PHKA1: variants seen among roughly 807,000 people sequenced by gnomAD.
PHKA1 encodes the protein phosphorylase kinase regulatory subunit alpha 1.
PHKA1 carries 60 observed loss-of-function variants against 110.2 expected under a neutral mutation model. The ratio of observed to expected loss-of-function variants is 0.54; its 90% confidence interval spans 0.44 to 0.68. The LOEUF is 0.68. Ranked by LOEUF, PHKA1 falls within the 30% of genes least tolerant of loss-of-function variation. The pLI is 0.00. For synonymous variants in PHKA1, 316 were observed against 333.6 expected (o/e 0.95, Z 0.58); for missense variants, 801 against 942.5 (o/e 0.85, Z 1.97).
intron 16 of PHKA1, among the ~76,000 whole-genome samples, chrX:72,628,829 G>A (rs1317297255): frequency 1.8e-5 from 2 of 108,891 alleles, no homozygotes; most frequent in South Asian, 4.0e-4. Context: ...GTATCCTCCC[G>A]CCTCAGCCTC....
Position 72,584,264 on chromosome X carries a change from G to C in PHKA1, c.3282C>G (p.Ser1094=). The C allele has an allele frequency of 8.3e-7, 1 of 1,206,500 alleles. No homozygotes were observed. The highest frequency in any genetic ancestry group is 1.1e-6 in the Non-Finnish European group (1 of 890,897). The part of the protein sequence containing the change: ...GLSVEGFVLP[S]STTREMTPGE... ...AGACTCTTACCTCTCTAGTGGTAGA[G>C]GAAGGAAGGACAAACCCTTCAACAG... Residue 1094 remains serine, a synonymous_variant, in exon 30 of 32, where the codon TCC becomes TCG. Transcript: ENST00000373542.
Position 72,584,751 on chromosome X carries a change from GT to G in PHKA1, c.3244-450del, listed in dbSNP as rs1250306173. On this transcript the variant is annotated intron_variant, in intron 29 of 31. Coordinates refer to ENST00000373542, the MANE Select transcript of PHKA1 (RefSeq NM_002637.4). ...AGTTTTCCTTTTTTTTTTAACACTTGTTTTTTTTTTATTATTATACTTTAAG... is the reference window on the plus strand; with the variant it reads ...AGTTTTCCTTTTTTTTTTAACACTTGTTTTTTTTTATTATTATACTTTAAG... 4.5e-4 allele frequency among the ~76,000 whole-genome samples: 47 copies of G among 104,917 alleles called. 1 individual carries two copies. The highest frequency in any genetic ancestry group is 3.8e-3 in the South Asian group (9 of 2,372). 91.1% of individuals were successfully genotyped at this position (104,917 alleles called of 115,157 possible). A position where few individuals can be genotyped will look rare whatever the true frequency, so the allele number is the denominator to read the frequency against.
chrX:72,615,360 G>A (rs982908692), intron 21 of PHKA1, among the ~76,000 whole-genome samples: 1 of 111,600 alleles, frequency 9.0e-6, no homozygotes, highest in African/African-American at 3.3e-5. Flanking sequence ...TTAATCTAAC[G>A]ATGGTGTGTA....
At chrX:72,626,112 A>C (rs1298668742) in intron 17 of PHKA1, among the ~76,000 whole-genome samples, 2 of 109,142 alleles carry the variant, frequency 1.8e-5, no homozygotes, top group African/African-American at 6.7e-5. Context: ...TAGTATATGT[A>C]GTATGTACGT....
At chrX:72,599,944 A>G in intron 28 of PHKA1, 2 of 478,514 alleles carry the variant, frequency 4.2e-6, no homozygotes, top group Admixed American at 3.0e-5. Context: ...TTAAGTCACT[A>G]GTGGAGTAAA....
chrX:72,695,596 C>A (rs1556326744), intron 4 of PHKA1, 112 bp downstream of exon 4: 1 of 692,976 alleles, frequency 1.4e-6, no homozygotes, highest in Non-Finnish European at 2.2e-6. Context: ...TAAAAAATAC[C>A]TGTTTCATGA....
intron 2 of PHKA1, among the ~76,000 whole-genome samples, chrX:72,707,416 T>C (rs1270538890): frequency 8.9e-6 from 1 of 112,045 alleles, no homozygotes; most frequent in African/African-American, 3.2e-5. Flanking sequence ...TTAGTAGTTA[T>C]CTCAAATATA....
chrX:72,630,463 C>G (rs1267049310), intron 16 of PHKA1, among the ~76,000 whole-genome samples: 4 of 111,306 alleles, frequency 3.6e-5, no homozygotes, highest in Non-Finnish European at 7.5e-5. Flanking sequence ...TCAAACCATT[C>G]TTTTAGGGCA....
chrX:72,658,542 T>G (rs2053524544), intron 8 of PHKA1, among the ~76,000 whole-genome samples: 1 of 111,020 alleles, frequency 9.0e-6, no homozygotes. Flanking sequence ...TGTCCTTTTT[T>G]CTGTTCTAGG....
chrX:72,664,099 A>G (rs1179794724), intron 8 of PHKA1, among the ~76,000 whole-genome samples: 1 of 111,518 alleles, frequency 9.0e-6, no homozygotes, highest in Non-Finnish European at 1.9e-5. Flanking sequence ...TATCAATAAT[A>G]ACCTTGAATG....
chrX:72,627,482 G>A (rs191246623), intron 16 of PHKA1, among the ~76,000 whole-genome samples: 1 of 112,033 alleles, frequency 8.9e-6, no homozygotes, highest in South Asian at 3.7e-4. Flanking sequence ...TATCTAGAAA[G>A]CTAACAATTA....
chrX:72,606,591 T>A (rs1556251832), intron 23 of PHKA1, among the ~76,000 whole-genome samples: 1 of 110,980 alleles, frequency 9.0e-6, no homozygotes. Flanking sequence ...TTTTTGTGGG[T>A]CTATAGTGGT....
intron 8 of PHKA1, among the ~76,000 whole-genome samples, chrX:72,659,408 TG>T (rs1314545347): frequency 1.8e-5 from 2 of 111,167 alleles, no homozygotes; most frequent in African/African-American, 6.6e-5. Context: ...TCATTGAGAA[TG>T]ACATTTAGAA....
At chrX:72,645,781 C>A (rs939706356) in intron 13 of PHKA1, among the ~76,000 whole-genome samples, 3 of 112,008 alleles carry the variant, frequency 2.7e-5, no homozygotes, top group African/African-American at 9.8e-5. Context: ...GTGGCATACA[C>A]ATGGATTGTA....
At chrX:72,621,985 T>C in intron 18 of PHKA1, 1 of 747,258 alleles carries the variant, frequency 1.3e-6, no homozygotes, top group Non-Finnish European at 1.6e-6. Flanking sequence ...CAGATAAAAA[T>C]CACAACTACC....
At chrX:72,619,488 G>A (rs1393447081) in intron 19 of PHKA1, among the ~76,000 whole-genome samples, 183 bp from the exon 20 acceptor site, 1 of 111,873 alleles carries the variant, frequency 8.9e-6, no homozygotes, top group Non-Finnish European at 1.9e-5. Flanking sequence ...TAAATAATGT[G>A]CAATTAATAA....
At chrX:72,622,849 A>G in intron 18 of PHKA1, 1 of 754,212 alleles carries the variant, frequency 1.3e-6, no homozygotes, top group Non-Finnish European at 1.6e-6. Context: ...ATCACCAGCC[A>G]CTTCAAATGC....
At chrX:72,671,717 T>C (rs1414220242) in intron 6 of PHKA1, among the ~76,000 whole-genome samples, 1 of 111,422 alleles carries the variant, frequency 9.0e-6, no homozygotes, top group East Asian at 2.8e-4. Context: ...CAAAACAGCA[T>C]GGTACTGGTA....
chrX:72,604,231 G>T (rs994613553), intron 25 of PHKA1, among the ~76,000 whole-genome samples: 1 of 110,926 alleles, frequency 9.0e-6, no homozygotes, highest in Non-Finnish European at 1.9e-5. Context: ...CAATCAGGTG[G>T]ACTCAGACTC....
Sources: allele counts gnomAD v4.1 joint callset (sites outside exome capture counted in the v4.1 genomes callset), GRCh38; gene constraint gnomAD v4.1.1; transcripts MANE v1.5; gene names NCBI Gene and HGNC (gene_info 2026-07-23, HGNC 2026-07-21).